FOXP1: variants seen among roughly 807,000 people sequenced by gnomAD.
FOXP1 encodes forkhead box protein P1.
Under a neutral mutation model 98.2 loss-of-function variants are expected in FOXP1, and 15 were observed. The ratio of observed to expected loss-of-function variants is 0.15; its 90% CI spans 0.10 to 0.24. The LOEUF (loss-of-function observed/expected upper bound fraction) is 0.24. Ranked by LOEUF, FOXP1 falls within the 10% of genes least tolerant of loss-of-function variation. The pLI, the probability that FOXP1 is intolerant of heterozygous loss-of-function variation, is 1.00. For missense variants in FOXP1, 633 were observed against 848.5 expected, an observed-to-expected ratio of 0.75 and a Z score of 3.15; for synonymous variants, 371 against 314.5, an observed-to-expected ratio of 1.18 and a Z score of -1.90.
chr3:71,183,180 T>C (rs1208204074), intron 6 of FOXP1, among the ~76,000 whole-genome samples: 1 of 151,878 alleles, frequency 6.6e-6, no homozygotes, highest in African/African-American at 2.4e-5. Context: ...ATCATGGCGG[T>C]GGTGGTGATG....
intron 5 of FOXP1, among the ~76,000 whole-genome samples, chr3:71,234,577 G>A (rs907588281): frequency 1.3e-5 from 2 of 152,204 alleles, no homozygotes; most frequent in Non-Finnish European, 2.9e-5. Context: ...CAGAAAATGG[G>A]TGTGCTGTGG....
rs71120316 is a variant in FOXP1, at chr3:71,345,871, TAAAAAA to T, written c.-73+13273_-73+13278del. On this transcript the variant is annotated intron_variant, in intron 4 of 20. Coordinates refer to ENST00000649528, the MANE Select transcript of FOXP1 (RefSeq NM_001349338.3). ...AGGTTTGAAATCAATAAAGTTTTTG[TAAAAAA>T]AAAAAAAAAAAAAAAAAAAAAGAGG... 7.2e-3 allele frequency among the ~76,000 whole-genome samples: 396 copies of T among 55,098 alleles called. 4 individuals are homozygous for T. Among genetic ancestry groups the T allele is most frequent in the African/African-American group, 0.014 (225 of 16,278 alleles). The allele number at this position is 55,098 out of a possible 152,430, so 36.1% of individuals were successfully genotyped here.
At chr3:71,107,575 G>T (rs1332565220) in intron 7 of FOXP1, among the ~76,000 whole-genome samples, 1 of 151,742 alleles carries the variant, frequency 6.6e-6, no homozygotes, top group African/African-American at 2.4e-5. Flanking sequence ...AATGCTAGGG[G>T]TGCCAATTCT....
At chr3:71,449,511 A>G (rs1185823308) in intron 3 of FOXP1, among the ~76,000 whole-genome samples, 1 of 152,234 alleles carries the variant, frequency 6.6e-6, no homozygotes, top group Non-Finnish European at 1.5e-5. Flanking sequence ...GGCTGGGAGC[A>G]GCCCAGGCAA....
At chr3:71,458,741 T>G (rs538044847) in intron 3 of FOXP1, among the ~76,000 whole-genome samples, 1 of 152,196 alleles carries the variant, frequency 6.6e-6, no homozygotes, top group Admixed American at 6.5e-5. Flanking sequence ...TCTCTTGCAA[T>G]GGACCATTTT....
chr3:71,481,812 T>G (rs2090299230), intron 3 of FOXP1, among the ~76,000 whole-genome samples: 1 of 152,158 alleles, frequency 6.6e-6, no homozygotes, highest in Admixed American at 6.5e-5. Context: ...CATCCCTTAC[T>G]CTAAAGGCGC....
chr3:71,092,833 C>T (rs1057233044), intron 7 of FOXP1, among the ~76,000 whole-genome samples: 3 of 151,412 alleles, frequency 2.0e-5, no homozygotes, highest in African/African-American at 7.3e-5. Context: ...GGTAGCAATA[C>T]AGTAAAAGAA....
chr3:71,045,171 T>C (rs778695744), intron 10 of FOXP1, among the ~76,000 whole-genome samples: 17 of 152,218 alleles, frequency 1.1e-4, no homozygotes, highest in African/African-American at 3.9e-4. Flanking sequence ...ATTTCAAATA[T>C]GCTTCTTCCT....
At chr3:70,967,904 G>A (rs2035295505) in intron 19 of FOXP1, among the ~76,000 whole-genome samples, 1 of 152,066 alleles carries the variant, frequency 6.6e-6, no homozygotes, top group Middle Eastern at 3.4e-3. Flanking sequence ...TGGGGCTGCT[G>A]CTAGCTTAAT....
intron 3 of FOXP1, among the ~76,000 whole-genome samples, chr3:71,455,362 A>G (rs2087374936): frequency 6.6e-6 from 1 of 152,178 alleles, no homozygotes; most frequent in Non-Finnish European, 1.5e-5. Flanking sequence ...TTTGTCTAGG[A>G]CCAAACCAAC....
intron 5 of FOXP1, among the ~76,000 whole-genome samples, chr3:71,231,788 G>A (rs2106768424): frequency 6.6e-6 from 1 of 152,328 alleles, no homozygotes; most frequent in South Asian, 2.1e-4. Flanking sequence ...ACTAGATTAT[G>A]GTCTATGGAG....
chr3:71,009,561 C>T (rs1015931286), intron 12 of FOXP1, among the ~76,000 whole-genome samples: 5 of 152,040 alleles, frequency 3.3e-5, no homozygotes, highest in African/African-American at 9.7e-5. Flanking sequence ...ACAATTTCTT[C>T]GGATATATCA....
intron 5 of FOXP1, among the ~76,000 whole-genome samples, chr3:71,293,978 T>G (rs1374921843): frequency 6.6e-6 from 1 of 152,210 alleles, no homozygotes; most frequent in Non-Finnish European, 1.5e-5. Flanking sequence ...AATGCCTAGA[T>G]GAACCTTGAA....
chr3:71,412,893 C>T (rs1357557009), intron 3 of FOXP1, among the ~76,000 whole-genome samples: 3 of 152,092 alleles, frequency 2.0e-5, no homozygotes, highest in Non-Finnish European at 2.9e-5. Flanking sequence ...TATTTTCCTG[C>T]TTAATATAGG....
intron 7 of FOXP1, among the ~76,000 whole-genome samples, chr3:71,089,562 G>C (rs571669449): frequency 1.5e-3 from 231 of 152,278 alleles, no homozygotes; most frequent in African/African-American, 5.4e-3. Context: ...CTGATCATGA[G>C]GGCAGTTGCA....
At chr3:70,989,785 T>C (rs1479946161) in intron 13 of FOXP1, among the ~76,000 whole-genome samples, 1 of 152,222 alleles carries the variant, frequency 6.6e-6, no homozygotes, top group East Asian at 1.9e-4. Context: ...GTCTGCTGAA[T>C]ATTAATTGTG....
At chr3:71,312,292 G>C (rs1198177187) in intron 4 of FOXP1, among the ~76,000 whole-genome samples, 1 of 152,238 alleles carries the variant, frequency 6.6e-6, no homozygotes, top group East Asian at 1.9e-4. Context: ...AAGTGTGCTA[G>C]AGGAAGCTGT....
chr3:71,035,199 A>G (rs533968973), intron 11 of FOXP1, among the ~76,000 whole-genome samples: 1 of 152,268 alleles, frequency 6.6e-6, no homozygotes, highest in East Asian at 1.9e-4. Flanking sequence ...CTGAGTAGCA[A>G]GACTCCAGGG....
At chr3:71,117,702 ACTTAAAAG>A (rs1575804343) in intron 6 of FOXP1, among the ~76,000 whole-genome samples, 1 of 152,210 alleles carries the variant, frequency 6.6e-6, no homozygotes, top group East Asian at 1.9e-4. Context: ...AATGTAAATA[ACTTAAAAG>A]GTCCAATCCC....
Sources: gnomAD v4.1 joint callset for allele counts (sites outside exome capture counted in the v4.1 genomes callset) on GRCh38, gnomAD v4.1.1 for gene constraint, MANE v1.5 for transcripts, NCBI Gene and HGNC (gene_info 2026-07-23, HGNC 2026-07-21) for gene names.